Variants in MACROD2 observed in about 807,000 individuals in gnomAD.
MACROD2 encodes the protein mono-ADP ribosylhydrolase 2, also known as ADP-ribose glycohydrolase MACROD2.
In MACROD2, 36 loss-of-function variants were observed where a neutral mutation model predicts 70.4. That is an observed-to-expected ratio of 0.51 (90% CI 0.39 to 0.68). The LOEUF is 0.68. MACROD2 is among the 30% of genes least tolerant of loss of function. The pLI, the probability that MACROD2 is intolerant of heterozygous loss-of-function variation, is 0.00. For synonymous variants in MACROD2, 172 were observed against 178.8 expected (o/e 0.96, Z 0.30); for missense variants, 496 against 538.4 (o/e 0.92, Z 0.78).
chr20:14,720,241 C>T (rs573689682), intron 5 of MACROD2, among the ~76,000 whole-genome samples: 5 of 152,238 alleles, frequency 3.3e-5, no homozygotes, highest in African/African-American at 9.6e-5. Flanking sequence ...TAAAGTACAG[C>T]GTTCTAATCA....
intron 7 of MACROD2, among the ~76,000 whole-genome samples, chr20:15,458,625 T>TTG (rs1392410397): frequency 1.7e-4 from 24 of 142,390 alleles, no homozygotes; most frequent in Non-Finnish European, 3.8e-4. Flanking sequence ...TTTTGTTTTT[T>TTG]TGTTTTTTTT....
At chr20:15,848,534 T>C (rs1476880844) in intron 8 of MACROD2, among the ~76,000 whole-genome samples, 3 of 152,198 alleles carry the variant, frequency 2.0e-5, no homozygotes, top group African/African-American at 7.2e-5. Flanking sequence ...CATCCCAAGT[T>C]CCCGAGGGAG....
intron 7 of MACROD2, among the ~76,000 whole-genome samples, chr20:15,437,211 C>T (rs181832839): frequency 1.3e-5 from 2 of 152,208 alleles, no homozygotes; most frequent in Admixed American, 1.3e-4. Context: ...CTAGTATATC[C>T]TCAACATTTC....
chr20:15,022,378 C>T (rs1481684815), intron 5 of MACROD2, among the ~76,000 whole-genome samples: 1 of 152,114 alleles, frequency 6.6e-6, no homozygotes, highest in African/African-American at 2.4e-5. Context: ...GCTTTCTTTT[C>T]ATTGTTCCCA....
chr20:14,250,246 T>C (rs16994432), intron 3 of MACROD2, among the ~76,000 whole-genome samples: 16,504 of 152,012 alleles, frequency 0.11, 1,048 homozygotes, highest in East Asian at 0.23. Flanking sequence ...ACCTTTCTGA[T>C]AAAGGAACTA....
At chr20:15,861,477 G>A (rs1275133112) in intron 8 of MACROD2, among the ~76,000 whole-genome samples, 1 of 151,960 alleles carries the variant, frequency 6.6e-6, no homozygotes, top group Non-Finnish European at 1.5e-5. Flanking sequence ...AAGAAATGTG[G>A]TTGTTTGTAC....
chr20:15,543,409 T>C (rs907452699), intron 8 of MACROD2, among the ~76,000 whole-genome samples: 1 of 152,196 alleles, frequency 6.6e-6, no homozygotes, highest in Non-Finnish European at 1.5e-5. Flanking sequence ...CTAGTTATTG[T>C]TATTTTAATG....
intron 10 of MACROD2, among the ~76,000 whole-genome samples, chr20:15,928,702 C>A (rs1488919576): frequency 1.3e-5 from 2 of 152,178 alleles, no homozygotes; most frequent in Non-Finnish European, 2.9e-5. Flanking sequence ...GGAACATATG[C>A]AATATTCAAT....
In MACROD2 at chr20:15,317,613, A is replaced by T. The variant is rs534298228; in HGVS notation, c.540+87552A>T. ...GAAAAGATCCAAGATCTGGAGAACCAAAAAAGTTGAGAATATAAGTTCCAG... is the reference window on the plus strand; with the variant it reads ...GAAAAGATCCAAGATCTGGAGAACCTAAAAAGTTGAGAATATAAGTTCCAG... On this transcript the variant is annotated intron_variant, in intron 6 of 17. Transcript: ENST00000684519. 3.6e-3 allele frequency among the ~76,000 whole-genome samples: 554 copies of T among 152,082 alleles called. 2 individuals carry two copies. The highest frequency in any genetic ancestry group is 6.0e-3 in the Non-Finnish European group (406 of 67,902).
At chr20:15,723,052 T>C (rs185421217) in intron 8 of MACROD2, among the ~76,000 whole-genome samples, 2 of 152,318 alleles carry the variant, frequency 1.3e-5, no homozygotes, top group African/African-American at 4.8e-5. Flanking sequence ...CAACATCTCT[T>C]GCCCCTGAGT....
chr20:14,565,835 C>T (rs1979763506), intron 4 of MACROD2, among the ~76,000 whole-genome samples: 1 of 151,796 alleles, frequency 6.6e-6, no homozygotes, highest in Non-Finnish European at 1.5e-5. Flanking sequence ...TCATCTGGGC[C>T]CCTCCTCTTC....
intron 5 of MACROD2, among the ~76,000 whole-genome samples, chr20:15,088,397 TTATATATATATA>T (rs71190173): frequency 0.014 from 1,505 of 110,744 alleles, 31 homozygotes; most frequent in African/African-American, 0.038. Flanking sequence ...ATACTATATT[TTATATATATATA>T]TATATATATA....
chr20:15,243,083 AG>A (rs1012764203), intron 6 of MACROD2, among the ~76,000 whole-genome samples: 2 of 152,164 alleles, frequency 1.3e-5, no homozygotes, highest in African/African-American at 4.8e-5. Context: ...TTATTAATGC[AG>A]GCTGCACCCA....
intron 8 of MACROD2, among the ~76,000 whole-genome samples, chr20:15,778,732 C>T (rs2051776275): frequency 6.6e-6 from 1 of 151,792 alleles, no homozygotes; most frequent in African/African-American, 2.4e-5. Context: ...GATAGTATGC[C>T]ATTTCAGCAT....
intron 5 of MACROD2, among the ~76,000 whole-genome samples, chr20:14,876,539 C>A (rs1454924260): frequency 6.6e-6 from 1 of 152,018 alleles, no homozygotes; most frequent in Non-Finnish European, 1.5e-5. Flanking sequence ...GAATTCTTTG[C>A]CAAAGCCAAT....
At chr20:14,865,098 C>A (rs1183869416) in intron 5 of MACROD2, among the ~76,000 whole-genome samples, 2 of 152,094 alleles carry the variant, frequency 1.3e-5, no homozygotes. Context: ...CACAGGGGAA[C>A]ATACCTCCCA....
chr20:15,012,873 C>A (rs969963126), intron 5 of MACROD2, among the ~76,000 whole-genome samples: 1 of 152,098 alleles, frequency 6.6e-6, no homozygotes, highest in Non-Finnish European at 1.5e-5. Flanking sequence ...TTCCTGTGCA[C>A]CTTGGCCATG....
intron 3 of MACROD2, among the ~76,000 whole-genome samples, chr20:14,217,920 C>A (rs748761037): frequency 6.6e-6 from 1 of 151,762 alleles, no homozygotes; most frequent in Non-Finnish European, 1.5e-5. Flanking sequence ...TTAATCTTGC[C>A]TTTTATGGCC....
chr20:14,257,070 C>G (rs547767775), intron 3 of MACROD2, among the ~76,000 whole-genome samples: 7 of 152,142 alleles, frequency 4.6e-5, no homozygotes, highest in African/African-American at 1.7e-4. Context: ...ATATTTGTCA[C>G]CAAAAACAAA....
Sources: gnomAD v4.1 joint callset for allele counts (sites outside exome capture counted in the v4.1 genomes callset) on GRCh38, gnomAD v4.1.1 for gene constraint, MANE v1.5 for transcripts, NCBI Gene and HGNC (gene_info 2026-07-23, HGNC 2026-07-21) for gene names.